Variants in PAK3 observed in about 807,000 individuals in gnomAD.
PAK3 encodes p21 (RAC1) activated kinase 3.
A neutral mutation model predicts 41.0 loss-of-function variants in PAK3; 4 were observed. That is an observed-to-expected ratio of 0.10 (90% CI 0.05 to 0.22). The LOEUF is 0.22. Ranked by LOEUF, PAK3 falls within the 10% of genes least tolerant of loss-of-function variation. PAK3 has a pLI of 1.00. For synonymous variants in PAK3, 146 were observed against 139.6 expected (o/e 1.05, Z -0.32); for missense variants, 205 against 409.9 (o/e 0.50, Z 4.32).
intron 1 of PAK3, among the ~76,000 whole-genome samples, chrX:111,050,082 C>T (rs949938159): frequency 1.8e-5 from 2 of 111,747 alleles, no homozygotes; most frequent in Admixed American, 9.5e-5. Flanking sequence ...AGGGATCTGT[C>T]TATCACATTT....
intron 16 of PAK3, 45 bp downstream of exon 16, chrX:111,196,685 A>G (rs2094615872): frequency 1.0e-6 from 1 of 960,499 alleles, no homozygotes; most frequent in Non-Finnish European, 1.5e-6. Flanking sequence ...AGGAAAGAGG[A>G]AAGGCCAAAT....
intron 1 of PAK3, among the ~76,000 whole-genome samples, chrX:110,969,120 G>C (rs369571384): frequency 9.3e-5 from 3 of 32,214 alleles, no homozygotes; most frequent in Non-Finnish European, 1.7e-4. Context: ...TTTTTTTTTT[G>C]TATTTTTAGT....
chrX:110,948,724 T>G (rs1296525926), intron 1 of PAK3, among the ~76,000 whole-genome samples: 1 of 111,205 alleles, frequency 9.0e-6, no homozygotes, highest in Non-Finnish European at 1.9e-5. Flanking sequence ...GTCAAGACAT[T>G]CGGGTTGCTG....
intron 16 of PAK3, among the ~76,000 whole-genome samples, chrX:111,203,755 C>T (rs371642299): frequency 4.5e-5 from 5 of 112,024 alleles, no homozygotes; most frequent in East Asian, 2.8e-4. Flanking sequence ...TAAATCCCTC[C>T]AAGCACTGGG....
rs764843947 is a variant in PAK3 at position 111,183,104 on chromosome X, A to G, written c.831-9023A>G. Among the ~76,000 whole-genome samples the G allele has an allele frequency of 2.2e-4, 25 of 112,134 alleles. No homozygotes were observed. The South Asian group carries it at 9.3e-3, about 42-fold the overall frequency. ...AGCAAAACATGAAATGGTGATTAAG[A>G]GCATGGGCTGTGGAGAGAAAGTAAT... On this transcript the variant is annotated intron_variant, in intron 11 of 17. Transcript: ENST00000372007.
At chrX:111,181,341 T>C (rs1042288189) in intron 11 of PAK3, among the ~76,000 whole-genome samples, 1 of 111,584 alleles carries the variant, frequency 9.0e-6, no homozygotes, top group Non-Finnish European at 1.9e-5. Context: ...CACGTAGATA[T>C]ATATCTGGGC....
At chrX:111,105,460 C>G (rs1031946362) in intron 4 of PAK3, among the ~76,000 whole-genome samples, 1 of 112,013 alleles carries the variant, frequency 8.9e-6, no homozygotes, top group African/African-American at 3.3e-5. Flanking sequence ...ATTTCATACA[C>G]TCCAGTGTAC....
At chrX:111,045,800 C>T (rs919851717) in intron 1 of PAK3, among the ~76,000 whole-genome samples, 1 of 111,468 alleles carries the variant, frequency 9.0e-6, no homozygotes, top group African/African-American at 3.3e-5. Context: ...CCACACCTGC[C>T]GTTTCCATGG....
intron 16 of PAK3, among the ~76,000 whole-genome samples, chrX:111,214,320 G>C (rs1334275198): frequency 9.0e-6 from 1 of 111,393 alleles, no homozygotes; most frequent in African/African-American, 3.3e-5. Flanking sequence ...TTGTAAATTG[G>C]AATCACCTGG....
At chrX:111,187,237 T>C (rs1487085099) in intron 11 of PAK3, among the ~76,000 whole-genome samples, 1 of 111,947 alleles carries the variant, frequency 8.9e-6, no homozygotes, top group Non-Finnish European at 1.9e-5. Context: ...TCTCAGGTAA[T>C]TGTCAATTTT....
intron 11 of PAK3, among the ~76,000 whole-genome samples, chrX:111,174,343 G>A (rs2094382310): frequency 9.0e-6 from 1 of 111,227 alleles, no homozygotes; most frequent in African/African-American, 3.3e-5. Context: ...ACTGTGCCTG[G>A]TGGGAATCAA....
chrX:111,060,109 T>C (rs186557829), intron 1 of PAK3, among the ~76,000 whole-genome samples: 1 of 111,887 alleles, frequency 8.9e-6, no homozygotes, highest in East Asian at 2.8e-4. Context: ...TTTCCTTCCC[T>C]CTCTTGTTTG....
At chrX:111,094,760 C>T (rs961183615), upstream of PAK3, among the ~76,000 whole-genome samples, 44 of 100,450 alleles carry the variant, frequency 4.4e-4, no homozygotes, top group African/African-American at 1.7e-3. Flanking sequence ...GCAATCTCGG[C>T]TCACTGCAAC....
chrX:111,170,173 TTGG>T (rs765966089), intron 10 of PAK3, among the ~76,000 whole-genome samples: 1 of 111,209 alleles, frequency 9.0e-6, no homozygotes, highest in Admixed American at 9.6e-5. Context: ...ATATAGGCCC[TTGG>T]TGGACAACTG....
chrX:110,958,346 T>C (rs1602536573), intron 1 of PAK3, among the ~76,000 whole-genome samples: 1 of 111,269 alleles, frequency 9.0e-6, no homozygotes, highest in Non-Finnish European at 1.9e-5. Flanking sequence ...ATGTAATTCA[T>C]AGTTTTACAA....
At chrX:111,198,883 T>A (rs1056304682) in intron 16 of PAK3, among the ~76,000 whole-genome samples, 2 of 111,682 alleles carry the variant, frequency 1.8e-5, no homozygotes, top group African/African-American at 6.5e-5. Flanking sequence ...GGTATTTTGA[T>A]ATGAACAGTA....
chrX:111,110,006 G>A (rs759057813), intron 4 of PAK3, among the ~76,000 whole-genome samples: 161 of 112,325 alleles, frequency 1.4e-3, no homozygotes, highest in Non-Finnish European at 2.6e-3. Flanking sequence ...CTTAATGAAT[G>A]TGCTTCTTCA....
chrX:111,078,477 C>G (rs1324158552), intron 1 of PAK3, among the ~76,000 whole-genome samples: 1 of 110,641 alleles, frequency 9.0e-6, no homozygotes, highest in East Asian at 2.8e-4. Flanking sequence ...TTTTGAGGCA[C>G]CATGAACTAT....
chrX:111,151,813 A>T (rs777292858), intron 7 of PAK3, among the ~76,000 whole-genome samples: 2 of 111,953 alleles, frequency 1.8e-5, no homozygotes, highest in Non-Finnish European at 3.8e-5. Flanking sequence ...TAAGGGGTAC[A>T]TGACTACAAG....
Sources: allele counts gnomAD v4.1 joint callset (sites outside exome capture counted in the v4.1 genomes callset), GRCh38; gene constraint gnomAD v4.1.1; transcripts MANE v1.5; gene names NCBI Gene and HGNC (gene_info 2026-07-23, HGNC 2026-07-21).